The following MDFIC variants were observed in gnomAD, a reference collection of about 807,000 sequenced individuals.
The protein encoded by MDFIC is MyoD family inhibitor domain containing, also known as myoD family inhibitor domain-containing protein.
In MDFIC, 17 loss-of-function variants were observed where a neutral mutation model predicts 23.2. The observed-to-expected ratio is 0.73, with a 90% CI of 0.50 to 1.10. The LOEUF is 1.10. Ranked by LOEUF, MDFIC falls within the 50% of genes least tolerant of loss-of-function variation. The probability of loss-of-function intolerance (pLI) is 0.00; values close to 1 mark genes in which losing one functional copy is unlikely to be tolerated. For missense variants in MDFIC, 356 were observed against 316.6 expected (o/e 1.12, Z -0.95); for synonymous variants, 120 against 115.2 (o/e 1.04, Z -0.27).
chr7:114,924,944 C>T (rs1792161048), intron 2 of MDFIC, among the ~76,000 whole-genome samples: 1 of 152,150 alleles, frequency 6.6e-6, no homozygotes, highest in Non-Finnish European at 1.5e-5. Context: ...GAAGGCCACT[C>T]TACTCTTAAG....
At chr7:114,969,239 C>T (rs970260086) in intron 3 of MDFIC, among the ~76,000 whole-genome samples, 3 of 152,154 alleles carry the variant, frequency 2.0e-5, no homozygotes, top group African/African-American at 4.8e-5. Context: ...TCCCTAGACT[C>T]GTGAAGGTGA....
rs1168004276 is a variant in MDFIC, at chr7:115,017,807, T to C, written c.*1872T>C. The stretch of plus-strand genomic sequence containing the variant: ...AGTATGCTTTGGGATTAATAATTAT[T>C]TTTAATTTTTCTGGCTGAATATCAA... On this transcript the variant is annotated 3_prime_UTR_variant, in exon 5 of 5. Coordinates refer to ENST00000393486, the MANE Select transcript of MDFIC (RefSeq NM_001166345.3). 3 of 152,070 alleles carry C rather than the reference T, an allele frequency of 2.0e-5. No individual in the cohort carries two copies. The highest frequency in any genetic ancestry group is 7.2e-5 in the African/African-American group (3 of 41,408). The allele number at this position is 152,070 out of a possible 1,614,324, so 9.4% of individuals were successfully genotyped here.
intron 4 of MDFIC, among the ~76,000 whole-genome samples, chr7:115,006,449 A>G (rs1317877652): frequency 6.6e-6 from 1 of 152,160 alleles, no homozygotes; most frequent in Non-Finnish European, 1.5e-5. Context: ...ACTCATCATC[A>G]TCATCATCAT....
intron 4 of MDFIC, among the ~76,000 whole-genome samples, chr7:114,988,412 G>A (rs143371470): frequency 5.7e-4 from 86 of 152,188 alleles, no homozygotes; most frequent in African/African-American, 1.9e-3. Context: ...GATTTTTTTA[G>A]GTCAAACATA....
At chr7:115,009,461 A>G (rs1403063309) in intron 4 of MDFIC, among the ~76,000 whole-genome samples, 1 of 152,206 alleles carries the variant, frequency 6.6e-6, no homozygotes, top group African/African-American at 2.4e-5. Context: ...CTTTCACTTT[A>G]ATAAACTGCA....
intron 4 of MDFIC, among the ~76,000 whole-genome samples, chr7:114,992,774 C>T (rs1480273354): frequency 6.6e-6 from 1 of 152,168 alleles, no homozygotes; most frequent in African/African-American, 2.4e-5. Context: ...AGGATTTTTG[C>T]ATAAATGTTC....
At chr7:114,964,841 G>T (rs1793067109) in intron 3 of MDFIC, among the ~76,000 whole-genome samples, 1 of 152,162 alleles carries the variant, frequency 6.6e-6, no homozygotes, top group Non-Finnish European at 1.5e-5. Flanking sequence ...TAGCCACCAT[G>T]CCGGGCCCCT....
intron 3 of MDFIC, among the ~76,000 whole-genome samples, chr7:114,964,867 A>C (rs1017415382): frequency 6.6e-6 from 1 of 152,112 alleles, no homozygotes; most frequent in Non-Finnish European, 1.5e-5. Flanking sequence ...TCATTTTTCT[A>C]TGTGGTCACT....
At chr7:114,964,050 A>G (rs1209225911) in intron 3 of MDFIC, among the ~76,000 whole-genome samples, 1 of 152,140 alleles carries the variant, frequency 6.6e-6, no homozygotes, top group African/African-American at 2.4e-5. Flanking sequence ...AAGTGCTGAA[A>G]TCTTTTTATT....
intron 3 of MDFIC, among the ~76,000 whole-genome samples, chr7:114,964,267 G>C (rs771935133): frequency 1.1e-4 from 16 of 152,196 alleles, no homozygotes; most frequent in Non-Finnish European, 1.6e-4. Context: ...ATAGGGGTTT[G>C]AAAGAGGCAG....
At chr7:115,010,799 C>A (rs1451544992) in intron 4 of MDFIC, among the ~76,000 whole-genome samples, 2 of 152,062 alleles carry the variant, frequency 1.3e-5, no homozygotes, top group Non-Finnish European at 2.9e-5. Context: ...AGATTTGTTT[C>A]TTTTGATTGA....
Position 115,015,942 on chromosome 7 carries a change from A to G in MDFIC, c.*7A>G, listed in dbSNP as rs1478011648. On this transcript the variant is annotated 3_prime_UTR_variant, in exon 5 of 5. Coordinates refer to ENST00000393486, the MANE Select transcript of MDFIC (RefSeq NM_001166345.3). ...AATTTGTTTTCCTTCATAAATATTT[A>G]TCTTTTGTTTGTGTTAAAACTGGAG... 5.0e-6 allele frequency: 8 copies of G among 1,608,808 alleles called. No individual in the cohort carries two copies. The highest frequency in any genetic ancestry group is 6.8e-6 in the Non-Finnish European group (8 of 1,176,862).
intron 2 of MDFIC, among the ~76,000 whole-genome samples, chr7:114,934,717 C>T (rs892391519): frequency 6.6e-6 from 1 of 152,286 alleles, no homozygotes; most frequent in Admixed American, 6.5e-5. Context: ...TTGATTTACT[C>T]AACAAACATT....
intron 4 of MDFIC, chr7:115,014,240 C>G: frequency 5.1e-6 from 5 of 985,352 alleles, no homozygotes; most frequent in Non-Finnish European, 6.0e-6. Flanking sequence ...GGATGGGATG[C>G]TTAGGGATAG....
intron 2 of MDFIC, among the ~76,000 whole-genome samples, chr7:114,928,577 C>T (rs776758069): frequency 2.0e-5 from 3 of 152,150 alleles, no homozygotes; most frequent in Non-Finnish European, 2.9e-5. Context: ...ATATTGGGTA[C>T]TTCACCAAGA....
chr7:114,970,000 G>A (rs887987771), intron 3 of MDFIC, among the ~76,000 whole-genome samples: 1 of 152,194 alleles, frequency 6.6e-6, no homozygotes, highest in Non-Finnish European at 1.5e-5. Context: ...GATAGCCACA[G>A]TGTAAACTCT....
At chr7:114,956,649 C>T (rs557175177) in intron 3 of MDFIC, among the ~76,000 whole-genome samples, 7 of 152,108 alleles carry the variant, frequency 4.6e-5, no homozygotes, top group African/African-American at 1.7e-4. Context: ...TAATGGTTCT[C>T]ATCTCTTTAT....
intron 2 of MDFIC, among the ~76,000 whole-genome samples, chr7:114,925,110 G>A (rs186445348): frequency 2.8e-4 from 43 of 152,030 alleles, no homozygotes; most frequent in African/African-American, 1.0e-3. Flanking sequence ...TAAGAAAAGT[G>A]GAATTTTAAA....
At chr7:115,014,418 G>T (rs1442778386) in intron 4 of MDFIC, 2 of 1,289,492 alleles carry the variant, frequency 1.6e-6, no homozygotes, top group Middle Eastern at 2.1e-4. Flanking sequence ...TAGCATGGCT[G>T]CCAAGCAACA....
Sources: allele counts gnomAD v4.1 joint callset (sites outside exome capture counted in the v4.1 genomes callset), GRCh38; gene constraint gnomAD v4.1.1; transcripts MANE v1.5; gene names NCBI Gene and HGNC (gene_info 2026-07-23, HGNC 2026-07-21).